Variants in MIPOL1 observed in about 807,000 individuals in gnomAD.
MIPOL1 encodes the protein mirror-image polydactyly 1.
A neutral mutation model predicts 60.9 loss-of-function variants in MIPOL1; 57 were observed. That is an observed-to-expected ratio of 0.94 (90% CI 0.76 to 1.17). The LOEUF (loss-of-function observed/expected upper bound fraction) is 1.17. Among genes scored for constraint, MIPOL1 ranks in the 50% most tolerant of loss-of-function variants. MIPOL1 has a pLI of 0.00. For synonymous variants in MIPOL1, 179 were observed against 168.8 expected (o/e 1.06, Z -0.47); for missense variants, 551 against 511.6 (o/e 1.08, Z -0.74).
chr14:37,319,563 G>A (rs997383263), intron 9 of MIPOL1, among the ~76,000 whole-genome samples: 10 of 152,040 alleles, frequency 6.6e-5, no homozygotes, highest in Non-Finnish European at 1.5e-4. Context: ...CAATGATTAT[G>A]GGAACCTATT....
At chr14:37,534,793 T>A (rs986178101) in intron 12 of MIPOL1, among the ~76,000 whole-genome samples, 1 of 152,182 alleles carries the variant, frequency 6.6e-6, no homozygotes. Flanking sequence ...ACTTTCCTAA[T>A]AGTATCATCT....
intron 1 of MIPOL1, among the ~76,000 whole-genome samples, chr14:37,212,645 C>T (rs906296501): frequency 2.4e-4 from 36 of 152,280 alleles, no homozygotes; most frequent in African/African-American, 7.9e-4. Flanking sequence ...GGGGACCTCA[C>T]CACCCTGAAG....
chr14:37,507,703 T>G (rs1000520224), intron 12 of MIPOL1: 1 of 152,138 alleles, frequency 6.6e-6, no homozygotes, highest in African/African-American at 2.4e-5. Flanking sequence ...TGTATACCTA[T>G]GTAGCAAACC....
intron 1 of MIPOL1, among the ~76,000 whole-genome samples, chr14:37,228,425 C>T (rs1204825452): frequency 4.7e-5 from 7 of 150,388 alleles, no homozygotes; most frequent in Non-Finnish European, 1.0e-4. Flanking sequence ...TGGACACCTT[C>T]CTGACTTCTG....
chr14:37,298,550 C>T (rs903911787), intron 7 of MIPOL1, among the ~76,000 whole-genome samples: 3 of 152,152 alleles, frequency 2.0e-5, no homozygotes, highest in Admixed American at 6.5e-5. Flanking sequence ...GCAACCTACT[C>T]ATCTGACAAA....
chr14:37,276,433 A>G (rs1383833835), intron 6 of MIPOL1: 5 of 151,112 alleles, frequency 3.3e-5, no homozygotes, highest in Non-Finnish European at 6.0e-5. Context: ...AAGGGTAAAA[A>G]TATAGATTTG....
At chr14:37,271,787 A>G (rs2083318980) in intron 6 of MIPOL1, among the ~76,000 whole-genome samples, 1 of 151,686 alleles carries the variant, frequency 6.6e-6, no homozygotes. Flanking sequence ...CTCTTACAAG[A>G]ATTTTGATGC....
chr14:37,437,007 G>A (rs1441871415), intron 11 of MIPOL1, among the ~76,000 whole-genome samples: 3 of 152,046 alleles, frequency 2.0e-5, no homozygotes. Flanking sequence ...AAAATATTAT[G>A]CCCCACTGAC....
chr14:37,371,937 T>C (rs2092650755), intron 10 of MIPOL1, among the ~76,000 whole-genome samples: 1 of 152,168 alleles, frequency 6.6e-6, no homozygotes, highest in South Asian at 2.1e-4. Context: ...GCAATATGTT[T>C]ATCTTTTACA....
chr14:37,313,437 G>A (rs1053908801), intron 9 of MIPOL1, among the ~76,000 whole-genome samples: 1 of 152,080 alleles, frequency 6.6e-6, no homozygotes, highest in Non-Finnish European at 1.5e-5. Context: ...GGGTCTTATT[G>A]GTATTTGTAG....
At position 37,519,474 on chromosome 14, in the gene MIPOL1, A is replaced by G. The variant is rs367680028; in HGVS notation, c.1262+19336A>G. On this transcript the variant is annotated intron_variant, in intron 12 of 12. Transcript: ENST00000684589. Reference sequence around the variant, plus strand: ...TAGACTAGGTACTGATCCTTTCCTTATTTAAAATTTTGATATTTTTCTCAT... The same window carrying G: ...TAGACTAGGTACTGATCCTTTCCTTGTTTAAAATTTTGATATTTTTCTCAT... 1.9e-4 allele frequency among the ~76,000 whole-genome samples: 29 copies of G among 152,168 alleles called. No individual in the cohort carries two copies. In the East Asian group the frequency reaches 5.0e-3, roughly 26 times the overall value.
chr14:37,494,999 G>A (rs1320035644), intron 11 of MIPOL1, among the ~76,000 whole-genome samples: 3 of 151,790 alleles, frequency 2.0e-5, no homozygotes, highest in Non-Finnish European at 4.4e-5. Context: ...AAAATTAAAT[G>A]ATAGAAGACT....
intron 7 of MIPOL1, among the ~76,000 whole-genome samples, chr14:37,293,212 T>A (rs542595413): frequency 1.3e-5 from 2 of 152,254 alleles, no homozygotes; most frequent in South Asian, 4.1e-4. Flanking sequence ...GAGGTATCAG[T>A]GAAAAATTCT....
chr14:37,505,368 A>C, intron 12 of MIPOL1: 1 of 152,248 alleles, frequency 6.6e-6, no homozygotes, highest in East Asian at 1.9e-4. Context: ...AAATACTGGC[A>C]ACCCAAATCC....
At chr14:37,503,346 G>A (rs1465465650) in intron 12 of MIPOL1, 1 of 152,178 alleles carries the variant, frequency 6.6e-6, no homozygotes, top group Non-Finnish European at 1.5e-5. Flanking sequence ...AGGAAAAAAT[G>A]TTAAGGGTAG....
intron 1 of MIPOL1, among the ~76,000 whole-genome samples, chr14:37,237,529 A>G (rs1482059285): frequency 6.6e-6 from 1 of 152,130 alleles, no homozygotes; most frequent in Non-Finnish European, 1.5e-5. Context: ...TTTTTTAAAA[A>G]ATTCTCTCTG....
At chr14:37,238,863 G>T (rs898461881) in intron 1 of MIPOL1, among the ~76,000 whole-genome samples, 5 of 151,772 alleles carry the variant, frequency 3.3e-5, no homozygotes, top group African/African-American at 1.2e-4. Context: ...CAAGGCAGGG[G>T]TATTGCTTGA....
At chr14:37,266,530 C>T (rs958095822) in intron 3 of MIPOL1, among the ~76,000 whole-genome samples, 1 of 152,150 alleles carries the variant, frequency 6.6e-6, no homozygotes, top group Non-Finnish European at 1.5e-5. Flanking sequence ...GAAAAGCAAT[C>T]AGAAATAGTT....
chr14:37,311,953 T>A (rs185222945), intron 9 of MIPOL1, among the ~76,000 whole-genome samples: 1 of 152,204 alleles, frequency 6.6e-6, no homozygotes, highest in African/African-American at 2.4e-5. Context: ...TTTCCTTGTA[T>A]TTTTTTCCTC....
Sources: gnomAD v4.1 joint callset for allele counts (sites outside exome capture counted in the v4.1 genomes callset) on GRCh38, gnomAD v4.1.1 for gene constraint, MANE v1.5 for transcripts, NCBI Gene and HGNC (gene_info 2026-07-23, HGNC 2026-07-21) for gene names.